The following CFTR variants were observed in gnomAD, a reference collection of about 807,000 sequenced individuals.
The protein encoded by CFTR is CF transmembrane conductance regulator, also known as cystic fibrosis transmembrane conductance regulator.
In CFTR, 181 loss-of-function variants were observed where a neutral mutation model predicts 171.6. The ratio of observed to expected loss-of-function variants is 1.05; its 90% CI spans 0.93 to 1.19. The LOEUF (loss-of-function observed/expected upper bound fraction) is 1.19. Among genes scored for constraint, CFTR ranks in the 50% most tolerant of loss-of-function variants. The pLI, the probability that CFTR is intolerant of heterozygous loss-of-function variation, is 0.00. For missense variants in CFTR, 1,968 were observed against 1,734.7 expected (o/e 1.13, Z -2.39); for synonymous variants, 583 against 608.0 (o/e 0.96, Z 0.60).
chr7:117,573,769 C>T (rs1169931576), intron 11 of CFTR, among the ~76,000 whole-genome samples: 1 of 151,954 alleles, frequency 6.6e-6, no homozygotes, highest in African/African-American at 2.4e-5. Context: ...ATTAATTGAA[C>T]ACAATATTAA....
chr7:117,548,746 C>T lies in CFTR; in HGVS notation c.1315C>T (p.Pro439Ser), dbSNP rs397508187. Residue 439 changes from proline (P) to serine (S), a missense_variant, in exon 10 of 27, where the codon CCT (proline) becomes TCT (serine). Physicochemically the swap from Pro to Ser is moderately conservative, Grantham distance 74 (BLOSUM62 -1). Transcript: ENST00000003084. ...CAGTAATTTCTCACTTCTTGGTACT[C>T]CTGTCCTGAAAGATATTAATTTCAA... Reference protein sequence around the residue: ...FFSNFSLLGTPVLKDINFKIE... With the variant: ...FFSNFSLLGTSVLKDINFKIE... The T allele has an allele frequency of 2.5e-6, 4 of 1,612,790 alleles. No individual in the cohort carries two copies. The highest frequency in any genetic ancestry group is 1.3e-5 in the African/African-American group (1 of 74,874).
intron 1 of CFTR, among the ~76,000 whole-genome samples, chr7:117,490,574 T>C (rs753278801): frequency 6.6e-6 from 1 of 152,012 alleles, no homozygotes; most frequent in Non-Finnish European, 1.5e-5. Flanking sequence ...GTGAGGGCAA[T>C]CTGCTTTAAC....
chr7:117,580,538 A>G (rs1471108499), intron 11 of CFTR, among the ~76,000 whole-genome samples: 1 of 152,148 alleles, frequency 6.6e-6, no homozygotes, highest in East Asian at 1.9e-4. Flanking sequence ...TATGTCTTAG[A>G]AAAATAAGAT....
At chr7:117,540,406 T>C in intron 8 of CFTR, 60 bp downstream of exon 8, 2 of 1,494,018 alleles carry the variant, frequency 1.3e-6, no homozygotes, top group East Asian at 4.5e-5. Flanking sequence ...AATAGATCAG[T>C]TCTAATGAAC....
chr7:117,535,219 C>T (rs377009413), intron 5 of CFTR, 29 bp from the exon 6 acceptor site: 1 of 1,613,122 alleles, frequency 6.2e-7, no homozygotes, highest in Admixed American at 1.7e-5. Flanking sequence ...TACAATGACA[C>T]CTGTTTTTGC....
chr7:117,580,209 T>C (rs1430544377), intron 11 of CFTR, among the ~76,000 whole-genome samples: 1 of 152,056 alleles, frequency 6.6e-6, no homozygotes, highest in Non-Finnish European at 1.5e-5. Context: ...GTTTTTAACA[T>C]CTATTACATA....
chr7:117,482,210 T>A (rs1798009669), intron 1 of CFTR, among the ~76,000 whole-genome samples: 1 of 152,200 alleles, frequency 6.6e-6, no homozygotes, highest in Non-Finnish European at 1.5e-5. Flanking sequence ...AGGAAACACG[T>A]CACATGTTTC....
chr7:117,574,257 A>T (rs1435061566), intron 11 of CFTR, among the ~76,000 whole-genome samples: 1 of 152,086 alleles, frequency 6.6e-6, no homozygotes, highest in Non-Finnish European at 1.5e-5. Context: ...TGAACAATAA[A>T]TTAGGTAATC....
intron 14 of CFTR, among the ~76,000 whole-genome samples, chr7:117,594,108 A>G (rs923661188): frequency 7.9e-5 from 12 of 152,194 alleles, no homozygotes; most frequent in African/African-American, 2.7e-4. Context: ...TAAGGAAACT[A>G]AAGTTCAGAG....
chr7:117,506,444 C>G (rs1798418734), intron 2 of CFTR, among the ~76,000 whole-genome samples: 1 of 152,132 alleles, frequency 6.6e-6, no homozygotes, highest in Non-Finnish European at 1.5e-5. Context: ...TGGAGTTTCG[C>G]CATGTTGGCC....
At chr7:117,484,128 G>A (rs755016281) in intron 1 of CFTR, among the ~76,000 whole-genome samples, 6 of 152,044 alleles carry the variant, frequency 3.9e-5, no homozygotes, top group Non-Finnish European at 7.4e-5. Flanking sequence ...GTTTGTTGAG[G>A]GTGTTTGTAA....
chr7:117,621,765 A>C (rs1480695705), intron 21 of CFTR, among the ~76,000 whole-genome samples: 1 of 152,160 alleles, frequency 6.6e-6, no homozygotes, highest in Non-Finnish European at 1.5e-5. Flanking sequence ...TTTCAGTGGA[A>C]GCTACATAGA....
At chr7:117,641,011 AAAAAT>A (rs1160925687) in intron 22 of CFTR, among the ~76,000 whole-genome samples, 13 of 152,192 alleles carry the variant, frequency 8.5e-5, no homozygotes, top group African/African-American at 2.9e-4. Flanking sequence ...ATAATCAAGA[AAAAAT>A]AAAAAAAGTA....
At chr7:117,510,721 G>GT (rs1424187583) in intron 3 of CFTR, among the ~76,000 whole-genome samples, 3 of 152,126 alleles carry the variant, frequency 2.0e-5, no homozygotes, top group African/African-American at 7.2e-5. Flanking sequence ...GTCAAAGTTT[G>GT]TATGATACAT....
chr7:117,551,284 A>G (rs1799266093), intron 10 of CFTR, among the ~76,000 whole-genome samples: 2 of 152,226 alleles, frequency 1.3e-5, no homozygotes. Context: ...GATGTATATG[A>G]TATACTCTTA....
chr7:117,497,787 T>C lies in CFTR; in HGVS notation c.54-6466T>C, dbSNP rs1584771651. Among the ~76,000 whole-genome samples, 3 of 152,122 alleles carry C rather than the reference T, an allele frequency of 2.0e-5. No individual in the cohort carries two copies. In the East Asian group the frequency reaches 5.8e-4, roughly 29 times the overall value. The stretch of plus-strand genomic sequence containing the variant: ...GAGCATTATATGAAAATCATGAAGT[T>C]AGAACATATTTGGCCAGAAAATTTA... On this transcript the variant is annotated intron_variant, in intron 1 of 26. Coordinates refer to ENST00000003084, the MANE Select transcript of CFTR (RefSeq NM_000492.4).
intron 15 of CFTR, among the ~76,000 whole-genome samples, chr7:117,601,518 T>A (rs1413699448): frequency 6.6e-6 from 1 of 152,136 alleles, no homozygotes; most frequent in Non-Finnish European, 1.5e-5. Flanking sequence ...AGGTTTTTTT[T>A]TATATAAACT....
chr7:117,553,533 T>C (rs1022208672), intron 10 of CFTR, among the ~76,000 whole-genome samples: 3 of 152,202 alleles, frequency 2.0e-5, no homozygotes, highest in African/African-American at 4.8e-5. Context: ...ACACTCTAAA[T>C]AGAGTGCTGA....
chr7:117,487,980 TA>T (rs1007563184), intron 1 of CFTR: 2 of 152,140 alleles, frequency 1.3e-5, no homozygotes, highest in Admixed American at 1.3e-4. Context: ...AGAAACTATA[TA>T]GGGGGCTCCC....
Sources: allele counts gnomAD v4.1 joint callset (sites outside exome capture counted in the v4.1 genomes callset), GRCh38; gene constraint gnomAD v4.1.1; transcripts MANE v1.5; gene names NCBI Gene and HGNC (gene_info 2026-07-23, HGNC 2026-07-21).